COL4A4: variants seen among roughly 807,000 people sequenced by gnomAD.
COL4A4 encodes the protein collagen alpha-4(IV) chain.
In COL4A4, 105 loss-of-function variants were observed where a neutral mutation model predicts 192.9. The ratio of observed to expected loss-of-function variants is 0.54; its 90% CI spans 0.46 to 0.64. The LOEUF (loss-of-function observed/expected upper bound fraction) is 0.64, where lower values mean the gene tolerates loss of function less well. Ranked by LOEUF, COL4A4 falls within the 30% of genes least tolerant of loss-of-function variation. COL4A4 has a pLI of 0.00. For missense variants in COL4A4, 1,967 were observed against 2,169.3 expected, an observed-to-expected ratio of 0.91 and a Z score of 1.85; for synonymous variants, 762 against 769.9, an observed-to-expected ratio of 0.99 and a Z score of 0.17.
chr2:227,107,991 C>G (rs1227805648), intron 12 of COL4A4, among the ~76,000 whole-genome samples: 1 of 151,976 alleles, frequency 6.6e-6, no homozygotes, highest in Non-Finnish European at 1.5e-5. Flanking sequence ...CTCTTGACCT[C>G]ATGATCCACC....
chr2:227,055,576 C>T lies in COL4A4; in HGVS notation c.2716+369G>A, dbSNP rs547211406. On this transcript the variant is annotated intron_variant, in intron 30 of 47. Coordinates refer to ENST00000396625, the MANE Select transcript of COL4A4 (RefSeq NM_000092.5). ...CGCCCCATCCTCAGTTTCCTACCTACAGACCTGAAGTGTGGGCCCTGATGT... is the reference window on the plus strand; with the variant it reads ...CGCCCCATCCTCAGTTTCCTACCTATAGACCTGAAGTGTGGGCCCTGATGT... Among the ~76,000 whole-genome samples, 10 of 152,040 alleles carry T rather than the reference C, an allele frequency of 6.6e-5. No homozygotes were observed. The South Asian group carries it at 2.1e-3, about 32-fold the overall frequency.
At chr2:227,069,624 T>G (rs1225516475) in intron 25 of COL4A4, among the ~76,000 whole-genome samples, 2 of 152,156 alleles carry the variant, frequency 1.3e-5, no homozygotes. Flanking sequence ...AGGGAAAGGA[T>G]TCCCTATTTA....
rs774011820 is a variant in COL4A4 at position 227,042,158 on chromosome 2, C to T, written c.3495G>A (p.Pro1165=). Residue 1165 remains proline (P), a synonymous_variant, in exon 37 of 48, where the codon CCG becomes CCA. Transcript: ENST00000396625. ...LQGDPGIPGP[P]GIKGPSGSPG... ...TTCATTTTGACTTACCTTTTATTCC[C>T]GGAGGACCTGGTATCCCTGGATCCC... is the stretch of plus-strand genomic sequence containing the variant. The T allele has an allele frequency of 1.9e-5, 30 of 1,602,758 alleles. No homozygotes were observed. The highest frequency in any genetic ancestry group is 4.5e-5 in the East Asian group (2 of 44,812).
At chr2:227,128,527 C>A (rs1253433927) in intron 4 of COL4A4, among the ~76,000 whole-genome samples, 1 of 152,114 alleles carries the variant, frequency 6.6e-6, no homozygotes, top group Admixed American at 6.5e-5. Context: ...TGAGCTCAGC[C>A]CTCTGCCTCC....
intron 35 of COL4A4, among the ~76,000 whole-genome samples, chr2:227,046,495 A>G (rs1972891910): frequency 6.6e-6 from 1 of 152,012 alleles, no homozygotes; most frequent in Admixed American, 6.6e-5. Context: ...AACAACGCAT[A>G]TTCCTGGGCA....
rs1417361503 is a variant in COL4A4 at position 227,042,252 on chromosome 2, T to C, written c.3401A>G (p.Asp1134Gly). Reference sequence around the variant, plus strand: ...TCCCCTCAGCCCAGGCATCCCGTGATCACCTGAGGATGACAGGGAAGTTTT... The same window carrying C: ...TCCCCTCAGCCCAGGCATCCCGTGACCACCTGAGGATGACAGGGAAGTTTT... ...GSSGPPGCPG[D>G]HGMPGLRGQP... The change falls in exon 37 of 48, where the codon GAT (aspartate) becomes GGT (glycine). Residue 1134 changes from aspartate to glycine, a missense_variant. By Grantham distance (94) the Asp-to-Gly change is moderately conservative. Transcript: ENST00000396625. The C allele has an allele frequency of 6.2e-7, 1 of 1,605,088 alleles. No homozygotes were observed. Among genetic ancestry groups the C allele is most frequent in the Admixed American group, 1.7e-5 (1 of 59,994 alleles).
chr2:226,993,739 T>C, the COL4A4 span, among the ~76,000 whole-genome samples: 4 of 152,136 alleles, frequency 2.6e-5, no homozygotes, highest in African/African-American at 7.2e-5. Context: ...AGCAAAAATA[T>C]AAAAAAGGGG....
At chr2:227,037,025 G>A (rs1228471276) in intron 37 of COL4A4, among the ~76,000 whole-genome samples, 1 of 151,998 alleles carries the variant, frequency 6.6e-6, no homozygotes, top group African/African-American at 2.4e-5. Context: ...TTTCCAACTA[G>A]GAACTGGGTG....
intron 4 of COL4A4, among the ~76,000 whole-genome samples, chr2:227,131,117 T>C (rs984835242): frequency 3.9e-5 from 6 of 152,036 alleles, no homozygotes; most frequent in Non-Finnish European, 8.8e-5. Flanking sequence ...AAAAATTTCT[T>C]ATTATGCAGG....
rs574284030 is a variant in COL4A4 at position 227,062,331 on chromosome 2, T to C, written c.2056+199A>G. Among the ~76,000 whole-genome samples, 12 of 152,094 alleles carry C rather than the reference T, an allele frequency of 7.9e-5. No individual in the cohort carries two copies. The South Asian group carries it at 2.3e-3, about 29-fold the overall frequency. ...ATTGTACAAAGATTTGAAAAGCCCATCTGGAGTGTTCTCAAACCAGCAGAC... is the reference window on the plus strand; with the variant it reads ...ATTGTACAAAGATTTGAAAAGCCCACCTGGAGTGTTCTCAAACCAGCAGAC... On this transcript the variant is annotated intron_variant, in intron 26 of 47. Coordinates refer to ENST00000396625, the MANE Select transcript of COL4A4 (RefSeq NM_000092.5).
In COL4A4 at chr2:227,050,092, T is replaced by C. The variant is rs746417033; in HGVS notation, c.3190A>G (p.Ile1064Val). ...GSPGPPGFSG[I>V]DGARGPKGNK... Reference sequence around the variant, plus strand: ...CCTTTAGGTCCTCTTGCTCCATCAATTCCTGAAAATCCAGGGGGACCTGGA... The same window carrying C: ...CCTTTAGGTCCTCTTGCTCCATCAACTCCTGAAAATCCAGGGGGACCTGGA... The change falls in exon 34 of 48, where the codon ATT (isoleucine) becomes GTT (valine). Residue 1064 changes from isoleucine (I) to valine (V), a missense_variant. Physicochemically the swap from Ile to Val is conservative, Grantham distance 29. Transcript: ENST00000396625. 6.2e-7 allele frequency: 1 copy of C among 1,614,216 alleles called. No individual in the cohort carries two copies. Among genetic ancestry groups the C allele is most frequent in the Admixed American group, 1.7e-5 (1 of 60,024 alleles).
At chr2:227,038,971 G>C (rs528808335) in intron 37 of COL4A4, among the ~76,000 whole-genome samples, 175 of 152,298 alleles carry the variant, frequency 1.1e-3, no homozygotes, top group African/African-American at 4.0e-3. Flanking sequence ...TGTTTGAAGT[G>C]AAACAGTGTC....
chr2:227,041,907 A>AAAGAAAGAAAGAAAGAAAGG (rs1559479303), intron 37 of COL4A4, among the ~76,000 whole-genome samples: 4 of 151,164 alleles, frequency 2.6e-5, no homozygotes, highest in African/African-American at 9.8e-5. Flanking sequence ...AGAAAGAAAG[A>AAAGAAAGAAAGAAAGAAAGG]AAGAAAGAAA....
rs1018029405 is a variant in COL4A4, at chr2:227,107,810, T to A, written c.735+771A>T. On this transcript the variant is annotated intron_variant, in intron 12 of 47. Coordinates refer to ENST00000396625, the MANE Select transcript of COL4A4 (RefSeq NM_000092.5). ...GTCTTGCTTTGTCACCAGGCTGGAG[T>A]GCAGTGGCACAATCTTGGCTCACTG... Among the ~76,000 whole-genome samples the A allele has an allele frequency of 5.5e-5, 8 of 145,838 alleles. No individual in the cohort carries two copies. In the Admixed American group the frequency reaches 5.7e-4, roughly 10 times the overall value.
intron 20 of COL4A4, among the ~76,000 whole-genome samples, chr2:227,090,440 A>C (rs983372281): frequency 1.3e-5 from 2 of 152,072 alleles, no homozygotes; most frequent in African/African-American, 4.8e-5. Flanking sequence ...AGTAGAGTAA[A>C]AGAATATTAT....
At chr2:227,080,035 T>C (rs1401782337) in intron 24 of COL4A4, among the ~76,000 whole-genome samples, 2 of 152,166 alleles carry the variant, frequency 1.3e-5, no homozygotes, top group East Asian at 3.9e-4. Flanking sequence ...TCATGCTCAC[T>C]ACTTCCCCCA....
intron 25 of COL4A4, among the ~76,000 whole-genome samples, chr2:227,076,319 C>A (rs2059022121): frequency 6.6e-6 from 1 of 152,040 alleles, no homozygotes; most frequent in Non-Finnish European, 1.5e-5. Context: ...AGAACAGAGA[C>A]CTCAGAAATA....
chr2:226,980,686 A>G, the COL4A4 span, among the ~76,000 whole-genome samples: 2 of 152,170 alleles, frequency 1.3e-5, no homozygotes, highest in African/African-American at 2.4e-5. Flanking sequence ...TATCTGGCCA[A>G]AGCACATATT....
Position 227,151,650 on chromosome 2 carries a change from C to T in COL4A4, c.-101-4066G>A, listed in dbSNP as rs1278467300. Among the ~76,000 whole-genome samples, 5 of 152,160 alleles carry T rather than the reference C, an allele frequency of 3.3e-5. No individual in the cohort carries two copies. In the South Asian group the frequency reaches 6.2e-4, roughly 19 times the overall value. ...ATGTTTGTGTCCTGCACCTCCAATTCGTAGGTTGCAACTTAACCCCCAATG... is the reference window on the plus strand; with the variant it reads ...ATGTTTGTGTCCTGCACCTCCAATTTGTAGGTTGCAACTTAACCCCCAATG... On this transcript the variant is annotated intron_variant, in intron 1 of 47. Coordinates refer to ENST00000396625, the MANE Select transcript of COL4A4 (RefSeq NM_000092.5).
Sources: gnomAD v4.1 joint callset for allele counts (sites outside exome capture counted in the v4.1 genomes callset) on GRCh38, gnomAD v4.1.1 for gene constraint, MANE v1.5 for transcripts, NCBI Gene and HGNC (gene_info 2026-07-23, HGNC 2026-07-21) for gene names.